Variants in ZNF222 observed in about 807,000 individuals in gnomAD.
ZNF222 encodes zinc finger protein 222.
Under a neutral mutation model 11.6 loss-of-function variants are expected in ZNF222, and 8 were observed. The ratio of observed to expected loss-of-function variants is 0.69; its 90% CI spans 0.41 to 1.25. The LOEUF is 1.25. Among genes scored for constraint, ZNF222 ranks in the 50% most tolerant of loss-of-function variants. The probability of loss-of-function intolerance (pLI) is 0.01; values close to 1 mark genes in which losing one functional copy is unlikely to be tolerated. For synonymous variants in ZNF222, 171 were observed against 195.6 expected, an observed-to-expected ratio of 0.87 and a Z score of 1.05; for missense variants, 483 against 576.1, an observed-to-expected ratio of 0.84 and a Z score of 1.65.
At chr19:44,030,346 CTG>C (rs1473717882) in intron 3 of ZNF222, among the ~76,000 whole-genome samples, 1 of 152,182 alleles carries the variant, frequency 6.6e-6, no homozygotes, top group Non-Finnish European at 1.5e-5. Context: ...ATTAAACACT[CTG>C]AGGTGTTTGG....
chr19:44,026,232 T>C (rs929588861), intron 1 of ZNF222: 14 of 772,378 alleles, frequency 1.8e-5, no homozygotes, highest in African/African-American at 3.5e-5. Flanking sequence ...CCAAAATACA[T>C]GATCTTCACA....
chr19:44,030,209 G>A (rs530659456), intron 3 of ZNF222, among the ~76,000 whole-genome samples: 1 of 152,286 alleles, frequency 6.6e-6, no homozygotes, highest in South Asian at 2.1e-4. Context: ...CAGAACTACA[G>A]TTGTCTGTCC....
intron 3 of ZNF222, chr19:44,028,515 G>A (rs1313597374): frequency 8.7e-6 from 3 of 346,694 alleles, no homozygotes; most frequent in African/African-American, 6.3e-5. Context: ...TATCATGGGA[G>A]AGGTCGTCTC....
chr19:44,026,554 A>ATTTTTTTTTT (rs1329786054), intron 1 of ZNF222, among the ~76,000 whole-genome samples: 2 of 129,504 alleles, frequency 1.5e-5, no homozygotes, highest in African/African-American at 7.3e-5. Flanking sequence ...ATATATATAT[A>ATTTTTTTTTT]TATTTTTTTT....
chr19:44,029,805 A>C (rs1042469235), intron 3 of ZNF222, among the ~76,000 whole-genome samples: 1 of 152,258 alleles, frequency 6.6e-6, no homozygotes, highest in African/African-American at 2.4e-5. Flanking sequence ...AATGTACCTA[A>C]TTCAGGACTT....
rs750379769 is a variant in ZNF222 at position 44,032,560 on chromosome 19, G to A, written c.1006G>A (p.Asp336Asn). 6.2e-7 allele frequency: 1 copy of A among 1,614,184 alleles called. No homozygotes were observed. The highest frequency in any genetic ancestry group is 1.7e-5 in the Admixed American group (1 of 60,034). The change falls in exon 4 of 4, where the codon GAT (aspartate) becomes AAT (asparagine). Residue 336 changes from aspartate (D) to asparagine (N), a missense_variant. By Grantham distance (23) the Asp-to-Asn change is conservative (BLOSUM62 1). Coordinates refer to ENST00000391960, the MANE Select transcript of ZNF222 (RefSeq NM_001129996.2). ...TGAAAAGTATGGAAGAGGTTTCATTGATAGGCTAGATTTGCATAAGCATCA... is the reference window on the plus strand; with the variant it reads ...TGAAAAGTATGGAAGAGGTTTCATTAATAGGCTAGATTTGCATAAGCATCA... The part of the protein sequence containing the change: ...KSEKYGRGFI[D>N]RLDLHKHQMI...
chr19:44,027,797 C>T (rs73556206), intron 3 of ZNF222, among the ~76,000 whole-genome samples: 3,980 of 152,242 alleles, frequency 0.026, 150 homozygotes, highest in African/African-American at 0.076. Context: ...CTTCATCCCA[C>T]ACTGTCTGAC....
chr19:44,030,627 T>C (rs941883398), intron 3 of ZNF222, among the ~76,000 whole-genome samples: 1 of 152,200 alleles, frequency 6.6e-6, no homozygotes, highest in Non-Finnish European at 1.5e-5. Context: ...TTATTTTCTA[T>C]TGTATTCTCC....
rs759028600 is a variant in ZNF222 at position 44,032,967 on chromosome 19, GA to G, written c.1415del (p.Lys472SerfsTer7). 1.9e-6 allele frequency: 3 copies of G among 1,585,862 alleles called. No individual in the cohort carries two copies. Among genetic ancestry groups the G allele is most frequent in the Non-Finnish European group, 2.6e-6 (3 of 1,172,446 alleles). Reference sequence around the variant, plus strand: ...ACCCATCCAAATGTGAGGACTGTGGGAAGCGCTACAAGAGGCGCTTGAATCT... The same window carrying G: ...ACCCATCCAAATGTGAGGACTGTGGGAGCGCTACAAGAGGCGCTTGAATCT... ...ENPSKCEDCGKRYKRRLNLDI... is the reference protein window; with the variant it reads ...ENPSKCEDCGXRYKRRLNLDI... On this transcript the variant is annotated frameshift_variant, in exon 4 of 4. Coordinates refer to ENST00000391960, the MANE Select transcript of ZNF222 (RefSeq NM_001129996.2). LOFTEE classifies it low-confidence loss of function (END_TRUNC).
At position 44,033,068 on chromosome 19, in the gene ZNF222, T is replaced by C; in HGVS notation, c.*38T>C. 2.1e-6 allele frequency: 3 copies of C among 1,442,404 alleles called. No individual in the cohort carries two copies. Among genetic ancestry groups the C allele is most frequent in the South Asian group, 3.0e-5 (2 of 65,950 alleles). The allele number at this position is 1,442,404 out of a possible 1,614,324, so 89.4% of individuals were successfully genotyped here. ...TATGGAGTGTGAAATTTGATACATGTATATAATGTGTGCTGATTAAATCAG... is the reference window on the plus strand; with the variant it reads ...TATGGAGTGTGAAATTTGATACATGCATATAATGTGTGCTGATTAAATCAG... On this transcript the variant is annotated 3_prime_UTR_variant, in exon 4 of 4. Transcript: ENST00000391960.
rs766308893 is a variant in ZNF222 at position 44,032,397 on chromosome 19, T to C, written c.843T>C (p.Asn281=). 2 of 1,614,114 alleles carry C rather than the reference T, an allele frequency of 1.2e-6. No individual in the cohort carries two copies. The highest frequency in any genetic ancestry group is 2.2e-5 in the South Asian group (2 of 91,078). ...AATGTGGGAAGGCTTTCATGCACAA[T>C]TTCCAGCTTCAGAAACATCACAGAA... ...CEKCGKAFMH[N]FQLQKHHRIH... is the part of the protein sequence containing the mutation. The change falls in exon 4 of 4, where the codon AAT becomes AAC. Residue 281 remains asparagine (N), a synonymous_variant. Coordinates refer to ENST00000391960, the MANE Select transcript of ZNF222 (RefSeq NM_001129996.2).
intron 3 of ZNF222, among the ~76,000 whole-genome samples, chr19:44,030,498 T>G (rs1314064182): frequency 2.0e-5 from 3 of 152,244 alleles, no homozygotes; most frequent in Non-Finnish European, 4.4e-5. Context: ...AGAAAGACTC[T>G]TAGAATTCAC....
rs115485960 is a variant in ZNF222, at chr19:44,031,410, C to T, written c.263-407C>T. ...CATCCTAAGTGTGAAGTCTTGAAAA[C>T]ACTGAACAAAGACTTCACTTGTCCA... is the stretch of plus-strand genomic sequence containing the variant. On this transcript the variant is annotated intron_variant, in intron 3 of 3. Transcript: ENST00000391960. 3.8e-3 allele frequency among the ~76,000 whole-genome samples: 580 copies of T among 152,264 alleles called. 6 individuals are homozygous for T. Among genetic ancestry groups the T allele is most frequent in the African/African-American group, 0.013 (556 of 41,542 alleles).
intron 3 of ZNF222, among the ~76,000 whole-genome samples, chr19:44,029,001 T>C (rs906511992): frequency 1.3e-4 from 20 of 152,134 alleles, no homozygotes; most frequent in African/African-American, 4.3e-4. Flanking sequence ...TGCCTACCCA[T>C]CGCTTTATTC....
At chr19:44,026,121 A>G (rs527368410) in intron 1 of ZNF222, 3 of 1,605,558 alleles carry the variant, frequency 1.9e-6, no homozygotes, top group East Asian at 2.2e-5. Flanking sequence ...TTTGACAGAG[A>G]TGCTTACCTC....
chr19:44,031,032 G>A (rs919103120), intron 3 of ZNF222: 1 of 152,182 alleles, frequency 6.6e-6, no homozygotes, highest in Non-Finnish European at 1.5e-5. Context: ...TGACGACAAC[G>A]TCCTGACCTC....
intron 3 of ZNF222, among the ~76,000 whole-genome samples, 186 bp downstream of exon 3, chr19:44,027,676 G>C (rs764646399): frequency 5.9e-5 from 8 of 135,176 alleles, no homozygotes; most frequent in Non-Finnish European, 1.1e-4. Flanking sequence ...AAAGTGATCC[G>C]TAGGAAACGG....
At chr19:44,029,741 T>C (rs932805670) in intron 3 of ZNF222, among the ~76,000 whole-genome samples, 1 of 152,230 alleles carries the variant, frequency 6.6e-6, no homozygotes, top group Non-Finnish European at 1.5e-5. Context: ...TCAATTAATA[T>C]TTTCCAAGAT....
rs1976348242 is a variant in ZNF222 at position 44,025,874 on chromosome 19, G to T, written c.42+396G>T. ...CTCTGGTGGGGTCAGAGCTCCAGCT[G>T]CAGGGGCGCCGGCCCTTCTGCCTGA... On this transcript the variant is annotated intron_variant, in intron 1 of 3. Coordinates refer to ENST00000391960, the MANE Select transcript of ZNF222 (RefSeq NM_001129996.2). This position sits in a 1 kb window ranked among gnomAD's most constrained non-coding sequence, Gnocchi z 4.6. Among the ~76,000 whole-genome samples the T allele has an allele frequency of 6.6e-6, 1 of 152,230 alleles. No individual in the cohort carries two copies. The highest frequency in any genetic ancestry group is 1.5e-5 in the Non-Finnish European group (1 of 68,040).
Sources: allele counts gnomAD v4.1 joint callset (sites outside exome capture counted in the v4.1 genomes callset), GRCh38; gene constraint gnomAD v4.1.1; non-coding constraint Gnocchi (gnomAD v3.1); transcripts MANE v1.5; gene names NCBI Gene and HGNC (gene_info 2026-07-23, HGNC 2026-07-21).